The following GPD2 variants were observed in gnomAD, a reference collection of about 807,000 sequenced individuals.
GPD2 encodes glycerol-3-phosphate dehydrogenase 2, also known as glycerol-3-phosphate dehydrogenase, mitochondrial.
Under a neutral mutation model 82.4 loss-of-function variants are expected in GPD2, and 54 were observed. The ratio of observed to expected loss-of-function variants is 0.66; its 90% CI spans 0.53 to 0.82. GPD2 has a LOEUF of 0.82. Among genes scored for constraint, GPD2 ranks in the 40% least tolerant of loss-of-function variants. The pLI is 0.00. For synonymous variants in GPD2, 288 were observed against 306.1 expected, an observed-to-expected ratio of 0.94 and a Z score of 0.62; for missense variants, 748 against 896.2, an observed-to-expected ratio of 0.83 and a Z score of 2.11.
chr2:156,454,386 G>A (rs560351602), intron 1 of GPD2, among the ~76,000 whole-genome samples: 101 of 152,124 alleles, frequency 6.6e-4, no homozygotes, highest in Non-Finnish European at 1.1e-3. Flanking sequence ...GCCATGTGTG[G>A]TGTCTCAGGC....
intron 6 of GPD2, 81 bp downstream of exon 6, chr2:156,513,577 A>G: frequency 9.1e-7 from 1 of 1,100,928 alleles, no homozygotes; most frequent in Non-Finnish European, 1.4e-6. Context: ...TTAAGGAGAT[A>G]GTTTTGCATC....
intron 6 of GPD2, among the ~76,000 whole-genome samples, chr2:156,540,138 T>C (rs1488151808): frequency 6.6e-6 from 1 of 152,140 alleles, no homozygotes; most frequent in African/African-American, 2.4e-5. Flanking sequence ...CTAAATATGA[T>C]TTGTAGCAAC....
At chr2:156,413,923 T>A in the GPD2 span, among the ~76,000 whole-genome samples, 3 of 152,308 alleles carry the variant, frequency 2.0e-5, no homozygotes, top group Admixed American at 1.3e-4. Context: ...AAATAAATAA[T>A]TCCTGAATCT....
At chr2:156,437,992 G>A (rs1682011858) in intron 1 of GPD2, among the ~76,000 whole-genome samples, 1 of 152,198 alleles carries the variant, frequency 6.6e-6, no homozygotes, top group South Asian at 2.1e-4. Flanking sequence ...TCTCTAGCGT[G>A]TAAGTTCTAT....
chr2:156,518,897 C>A (rs1460050702), intron 6 of GPD2, among the ~76,000 whole-genome samples: 1 of 152,162 alleles, frequency 6.6e-6, no homozygotes, highest in Non-Finnish European at 1.5e-5. Flanking sequence ...ATAGCAAGTC[C>A]TTTAAGCAAG....
intron 1 of GPD2, among the ~76,000 whole-genome samples, chr2:156,440,915 A>T (rs1682145126): frequency 6.6e-6 from 1 of 152,188 alleles, no homozygotes; most frequent in Non-Finnish European, 1.5e-5. Context: ...CTCTTGGTAG[A>T]ACCCTAGATA....
intron 5 of GPD2, 63 bp from the exon 6 acceptor site, chr2:156,513,270 A>G (rs112902666): frequency 8.9e-7 from 1 of 1,125,548 alleles, no homozygotes; most frequent in Non-Finnish European, 1.4e-6. Context: ...TTGTAGTGTA[A>G]GGTAATATTC....
chr2:156,522,267 T>A (rs1194134197), intron 6 of GPD2, among the ~76,000 whole-genome samples: 6 of 152,184 alleles, frequency 3.9e-5, no homozygotes, highest in Non-Finnish European at 8.8e-5. Flanking sequence ...TTGCTTTTTT[T>A]AAAATTAAAA....
At position 156,550,760 on chromosome 2, in the gene GPD2, A is replaced by G. The variant is rs771593404; in HGVS notation, c.971+14A>G. The stretch of plus-strand genomic sequence containing the variant: ...TGGTTATTACAGGTAATTGTCTTCC[A>G]ATGTGGCAGTTGTCACCCAAAAAAG... On this transcript the variant is annotated intron_variant, in intron 8 of 16. Transcript: ENST00000438166. 2.5e-6 allele frequency: 4 copies of G among 1,610,872 alleles called. No homozygotes were observed. In the South Asian group the frequency reaches 4.4e-5, roughly 18 times the overall value.
chr2:156,442,201 C>A (rs375058252), intron 1 of GPD2, among the ~76,000 whole-genome samples: 135 of 152,138 alleles, frequency 8.9e-4, no homozygotes, highest in African/African-American at 2.9e-3. Flanking sequence ...TTTCTGAAAT[C>A]GAGATTTCTA....
intron 6 of GPD2, among the ~76,000 whole-genome samples, chr2:156,535,702 CT>C (rs1478169086): frequency 6.6e-6 from 1 of 151,980 alleles, no homozygotes; most frequent in Admixed American, 6.6e-5. Flanking sequence ...TTCCCAAATT[CT>C]GTTTTAAGAA....
At chr2:156,491,718 G>A (rs917687639) in intron 2 of GPD2, among the ~76,000 whole-genome samples, 1 of 152,008 alleles carries the variant, frequency 6.6e-6, no homozygotes, top group African/African-American at 2.4e-5. Flanking sequence ...TGTAGTGTGT[G>A]TTTACCTTTA....
intron 1 of GPD2, among the ~76,000 whole-genome samples, chr2:156,467,852 A>G (rs138101887): frequency 6.6e-6 from 1 of 152,258 alleles, no homozygotes; most frequent in East Asian, 1.9e-4. Context: ...AGCTTTCAAA[A>G]AGTACACTTG....
At chr2:156,482,820 A>C (rs561608969) in intron 2 of GPD2, among the ~76,000 whole-genome samples, 2 of 152,270 alleles carry the variant, frequency 1.3e-5, no homozygotes, top group Admixed American at 6.5e-5. Flanking sequence ...ATGAAAAAAA[A>C]CCCTGATAAC....
intron 3 of GPD2, among the ~76,000 whole-genome samples, chr2:156,500,157 C>G (rs936632674): frequency 6.6e-6 from 1 of 152,072 alleles, no homozygotes; most frequent in Non-Finnish European, 1.5e-5. Flanking sequence ...TTTAATATAT[C>G]TTGGCATATT....
chr2:156,430,843 A>C (rs960707982), upstream of GPD2, among the ~76,000 whole-genome samples: 1 of 152,228 alleles, frequency 6.6e-6, no homozygotes, highest in African/African-American at 2.4e-5. Context: ...TCATCACTGG[A>C]AAGTACCCAC....
At chr2:156,451,769 C>T (rs1008846502) in intron 1 of GPD2, among the ~76,000 whole-genome samples, 1 of 151,568 alleles carries the variant, frequency 6.6e-6, no homozygotes, top group African/African-American at 2.4e-5. Context: ...CCCTCCCAGA[C>T]AGGGTGGCTG....
At chr2:156,509,306 TATG>T (rs1242654980) in intron 3 of GPD2, among the ~76,000 whole-genome samples, 1 of 152,228 alleles carries the variant, frequency 6.6e-6, no homozygotes, top group African/African-American at 2.4e-5. Context: ...GCCCTGATTT[TATG>T]ATGACATTTG....
Position 156,510,786 on chromosome 2 carries a change from G to A in GPD2, c.275-10G>A. ...ATTTAAGAAGTTAATTTGGTTTTCTGGTTACACAGGACTAAAAACAGCCCT... is the reference window on the plus strand; with the variant it reads ...ATTTAAGAAGTTAATTTGGTTTTCTAGTTACACAGGACTAAAAACAGCCCT... On this transcript the variant is annotated splice_polypyrimidine_tract_variant and intron_variant, in intron 3 of 16. Coordinates refer to ENST00000438166, the MANE Select transcript of GPD2 (RefSeq NM_000408.5). The A allele has an allele frequency of 6.2e-7, 1 of 1,610,148 alleles. No homozygotes were observed. Among genetic ancestry groups the A allele is most frequent in the Admixed American group, 1.7e-5 (1 of 59,990 alleles).
Sources: gnomAD v4.1 joint callset for allele counts (sites outside exome capture counted in the v4.1 genomes callset) on GRCh38, gnomAD v4.1.1 for gene constraint, MANE v1.5 for transcripts, NCBI Gene and HGNC (gene_info 2026-07-23, HGNC 2026-07-21) for gene names.